The following ELAVL4 variants were observed in gnomAD, a reference collection of about 807,000 sequenced individuals.
ELAVL4 encodes the protein ELAV like RNA binding protein 4, also known as ELAV-like protein 4.
Under a neutral mutation model 35.6 loss-of-function variants are expected in ELAVL4, and 1 was observed. The ratio of observed to expected loss-of-function variants is 0.03; its 90% CI spans 0.01 to 0.13. The LOEUF (loss-of-function observed/expected upper bound fraction) is 0.13, where lower values mean the gene tolerates loss of function less well. ELAVL4 is among the 10% of genes least tolerant of loss of function. The pLI, the probability that ELAVL4 is intolerant of heterozygous loss-of-function variation, is 1.00. For missense variants in ELAVL4, 267 were observed against 464.9 expected (o/e 0.57, Z 3.91); for synonymous variants, 156 against 171.0 (o/e 0.91, Z 0.69).
At chr1:50,075,585 T>G (rs1312380010) in intron 1 of ELAVL4, among the ~76,000 whole-genome samples, 1 of 152,188 alleles carries the variant, frequency 6.6e-6, no homozygotes, top group African/African-American at 2.4e-5. Flanking sequence ...CTCTGCACAG[T>G]GTGTGGCAGA....
At chr1:50,071,550 A>AAGACC (rs1664516973) in intron 1 of ELAVL4, among the ~76,000 whole-genome samples, 1 of 152,334 alleles carries the variant, frequency 6.6e-6, no homozygotes, top group Middle Eastern at 3.4e-3. Flanking sequence ...ACATACACAA[A>AAGACC]AGATGCCTTT....
intron 1 of ELAVL4, among the ~76,000 whole-genome samples, chr1:50,090,209 C>G (rs984349868): frequency 6.6e-6 from 1 of 152,138 alleles, no homozygotes. Context: ...GTGATTTTAT[C>G]TATCTCAAGT....
At chr1:50,120,942 C>T (rs1461905098) in intron 1 of ELAVL4, among the ~76,000 whole-genome samples, 2 of 152,038 alleles carry the variant, frequency 1.3e-5, no homozygotes, top group African/African-American at 4.8e-5. Context: ...AATGTACCCA[C>T]TTCAAACTTG....
At chr1:50,147,909 A>T (rs914744497) in intron 2 of ELAVL4, among the ~76,000 whole-genome samples, 1 of 152,204 alleles carries the variant, frequency 6.6e-6, no homozygotes, top group Admixed American at 6.5e-5. Flanking sequence ...AAATCTCTTT[A>T]CAGAGAGAGG....
In ELAVL4 at chr1:50,119,021, GGAAA is replaced by G. The variant is rs1393757596; in HGVS notation, c.9+9836_9+9839del. Among the ~76,000 whole-genome samples, 448 of 107,450 alleles carry G rather than the reference GGAAA, an allele frequency of 4.2e-3. 4 individuals carry two copies. Among genetic ancestry groups the G allele is most frequent in the African/African-American group, 0.014 (382 of 27,820 alleles). 70.5% of individuals were successfully genotyped at this position (107,450 alleles called of 152,430 possible). ...GACAGAGAGAAAGAAAGAAAAGAAA[GGAAA>G]GAAAGAAAGAAAAAGAAAGAAAGAA... On this transcript the variant is annotated intron_variant, in intron 1 of 6. Transcript: ENST00000371824.
At chr1:50,157,385 T>G (rs967417626) in intron 2 of ELAVL4, among the ~76,000 whole-genome samples, 1 of 152,184 alleles carries the variant, frequency 6.6e-6, no homozygotes, top group Non-Finnish European at 1.5e-5. Context: ...GATAGGACAT[T>G]GTAAGCAGGG....
chr1:50,200,324 A>G (rs1288316855), intron 6 of ELAVL4, among the ~76,000 whole-genome samples: 1 of 152,158 alleles, frequency 6.6e-6, no homozygotes, highest in Non-Finnish European at 1.5e-5. Flanking sequence ...AAAAACAATG[A>G]AATTTCCCAA....
At chr1:50,065,322 T>C (rs1488294209) in intron 1 of ELAVL4, among the ~76,000 whole-genome samples, 1 of 152,208 alleles carries the variant, frequency 6.6e-6, no homozygotes. Context: ...CGGAGAAGAC[T>C]GGGAAAAGTT....
chr1:50,146,576 C>G (rs1211187859), intron 2 of ELAVL4, among the ~76,000 whole-genome samples: 1 of 152,122 alleles, frequency 6.6e-6, no homozygotes, highest in African/African-American at 2.4e-5. Context: ...AAAAAAGTAT[C>G]TATCAAATTC....
At chr1:50,165,398 G>A (rs1370376490) in intron 2 of ELAVL4, among the ~76,000 whole-genome samples, 3 of 150,976 alleles carry the variant, frequency 2.0e-5, no homozygotes, top group Non-Finnish European at 4.4e-5. Context: ...ATTAGTGAGG[G>A]TTCTCTAGAA....
intron 3 of ELAVL4, among the ~76,000 whole-genome samples, chr1:50,179,229 G>A (rs1197665986): frequency 6.6e-6 from 1 of 151,962 alleles, no homozygotes; most frequent in African/African-American, 2.4e-5. Context: ...CGGTAATGTG[G>A]GCTTCTGAGA....
intron 6 of ELAVL4, 37 bp from the exon 7 acceptor site, chr1:50,200,814 T>G: frequency 6.3e-7 from 1 of 1,598,954 alleles, no homozygotes; most frequent in Non-Finnish European, 8.5e-7. Flanking sequence ...GTCAGACTGA[T>G]GTCTGGACCA....
At chr1:50,049,428 A>C (rs1663238963) in intron 1 of ELAVL4, among the ~76,000 whole-genome samples, 1 of 152,210 alleles carries the variant, frequency 6.6e-6, no homozygotes, top group Admixed American at 6.5e-5. Context: ...AGTCTGTGTG[A>C]AGTGTTTTGT....
chr1:50,163,682 C>T (rs997968373), intron 2 of ELAVL4, among the ~76,000 whole-genome samples: 14 of 151,982 alleles, frequency 9.2e-5, no homozygotes, highest in East Asian at 5.8e-4. Context: ...AAAAATTAGG[C>T]GGGAGTGGTG....
At chr1:50,153,626 G>C (rs1675188059) in intron 2 of ELAVL4, among the ~76,000 whole-genome samples, 1 of 152,200 alleles carries the variant, frequency 6.6e-6, no homozygotes, top group African/African-American at 2.4e-5. Flanking sequence ...ATTTGGTAGA[G>C]ATTAGATTGT....
At chr1:50,126,995 A>G (rs939654072) in intron 1 of ELAVL4, among the ~76,000 whole-genome samples, 3 of 152,048 alleles carry the variant, frequency 2.0e-5, no homozygotes, top group Admixed American at 6.6e-5. Flanking sequence ...TTTAATCTTG[A>G]TGGCTACACT....
At chr1:50,111,505 G>T (rs1015773646) in intron 1 of ELAVL4, among the ~76,000 whole-genome samples, 1 of 152,078 alleles carries the variant, frequency 6.6e-6, no homozygotes, top group Non-Finnish European at 1.5e-5. Flanking sequence ...TTACTAAATC[G>T]GATGTTGATA....
chr1:50,095,411 G>A (rs1665679369), intron 1 of ELAVL4, among the ~76,000 whole-genome samples: 1 of 151,664 alleles, frequency 6.6e-6, no homozygotes, highest in Non-Finnish European at 1.5e-5. Context: ...TTAGAAAAAA[G>A]CACTTGCTAT....
intron 1 of ELAVL4, among the ~76,000 whole-genome samples, chr1:50,142,368 T>C (rs1385825656): frequency 6.6e-6 from 1 of 152,046 alleles, no homozygotes; most frequent in African/African-American, 2.4e-5. Flanking sequence ...CACACACAGC[T>C]AATTTTGTAT....
Sources: gnomAD v4.1 joint callset for allele counts (sites outside exome capture counted in the v4.1 genomes callset) on GRCh38, gnomAD v4.1.1 for gene constraint, MANE v1.5 for transcripts, NCBI Gene and HGNC (gene_info 2026-07-23, HGNC 2026-07-21) for gene names.